RALGPS1: variants seen among roughly 807,000 people sequenced by gnomAD.
The protein encoded by RALGPS1 is ras-specific guanine nucleotide-releasing factor RalGPS1.
In RALGPS1, 19 loss-of-function variants were observed where a neutral mutation model predicts 78.8. The observed-to-expected ratio is 0.24, with a 90% CI of 0.17 to 0.35. The LOEUF (loss-of-function observed/expected upper bound fraction) is 0.35, where lower values mean the gene tolerates loss of function less well. Ranked by LOEUF, RALGPS1 falls within the 10% of genes least tolerant of loss-of-function variation. The pLI is 1.00. For missense variants in RALGPS1, 454 were observed against 688.3 expected (o/e 0.66, Z 3.81); for synonymous variants, 228 against 256.3 (o/e 0.89, Z 1.06).
At chr9:127,177,510 C>T (rs1186029258) in intron 11 of RALGPS1, among the ~76,000 whole-genome samples, 1 of 152,178 alleles carries the variant, frequency 6.6e-6, no homozygotes, top group African/African-American at 2.4e-5. Context: ...CACCATCTGC[C>T]CCACTATCTC....
At chr9:127,193,120 G>A (rs1241641712) in intron 11 of RALGPS1, among the ~76,000 whole-genome samples, 1 of 152,144 alleles carries the variant, frequency 6.6e-6, no homozygotes, top group African/African-American at 2.4e-5. Context: ...GAGCCAGAGA[G>A]AGAAGGGGAA....
chr9:126,965,762 T>C, intron 2 of RALGPS1, 82 bp from the exon 3 acceptor site: 1 of 1,032,312 alleles, frequency 9.7e-7, no homozygotes, highest in East Asian at 2.4e-5. Flanking sequence ...TGCTCTCCCA[T>C]CCTGAATTCC....
At chr9:126,968,599 A>G (rs930801589) in intron 3 of RALGPS1, among the ~76,000 whole-genome samples, 1 of 152,192 alleles carries the variant, frequency 6.6e-6, no homozygotes, top group Non-Finnish European at 1.5e-5. Flanking sequence ...ATTATTCCCA[A>G]TTTACTGATA....
intron 13 of RALGPS1, 129 bp downstream of exon 13, chr9:127,196,760 C>T: frequency 1.7e-6 from 2 of 1,149,966 alleles, no homozygotes; most frequent in Non-Finnish European, 2.4e-6. Flanking sequence ...TGGCCCCTCA[C>T]CTCCCTGCAG....
chr9:127,133,087 GTGCATGAC>G (rs1421352391), intron 8 of RALGPS1, among the ~76,000 whole-genome samples: 4 of 152,244 alleles, frequency 2.6e-5, no homozygotes, highest in Non-Finnish European at 4.4e-5. Context: ...TACATGTTAG[GTGCATGAC>G]TGCATGGCTG....
At chr9:127,103,969 G>T (rs990002322) in intron 8 of RALGPS1, among the ~76,000 whole-genome samples, 12 of 152,138 alleles carry the variant, frequency 7.9e-5, no homozygotes, top group Admixed American at 7.2e-4. Context: ...TGTACCCTTG[G>T]CTAAGTTACT....
rs11281489 is a variant in RALGPS1 at position 127,055,212 on chromosome 9, ATCTG to A, written c.483+2298_483+2301del. ...CCCTAAATGCTTTTTCTATCTATCT[ATCTG>A]TCTGTCTGTCTGTCTGTCTGTCTGA... On this transcript the variant is annotated intron_variant, in intron 7 of 18. Coordinates refer to ENST00000259351, the MANE Select transcript of RALGPS1 (RefSeq NM_014636.3). 3.6e-3 allele frequency among the ~76,000 whole-genome samples: 541 copies of A among 151,102 alleles called. 3 individuals carry two copies. Among genetic ancestry groups the A allele is most frequent in the Non-Finnish European group, 5.9e-3 (399 of 67,746 alleles).
intron 11 of RALGPS1, among the ~76,000 whole-genome samples, chr9:127,176,653 C>T (rs2059896870): frequency 6.6e-6 from 1 of 152,246 alleles, no homozygotes. Flanking sequence ...TGAGCCACAT[C>T]CCTGGACTTC....
intron 4 of RALGPS1, among the ~76,000 whole-genome samples, chr9:127,000,688 A>G (rs1160623288): frequency 2.0e-5 from 3 of 150,848 alleles, no homozygotes; most frequent in Non-Finnish European, 4.4e-5. Flanking sequence ...AGCTGGGATT[A>G]CAGTCATGCA....
At chr9:127,165,686 C>A (rs896150069) in intron 8 of RALGPS1, among the ~76,000 whole-genome samples, 6 of 152,108 alleles carry the variant, frequency 3.9e-5, no homozygotes, top group Admixed American at 6.5e-5. Flanking sequence ...TGAATTCAGC[C>A]CAAATGGGTG....
At position 127,199,302 on chromosome 9, in the gene RALGPS1, G is replaced by A. The variant is rs542224735; in HGVS notation, c.1247+236G>A. On this transcript the variant is annotated intron_variant, in intron 14 of 18. Coordinates refer to ENST00000259351, the MANE Select transcript of RALGPS1 (RefSeq NM_014636.3). ...GCAGCCCCATGCCTCCCCTGATCCAGGAGGCTCTTCCTCCAGCACAGCTGC... is the reference window on the plus strand; with the variant it reads ...GCAGCCCCATGCCTCCCCTGATCCAAGAGGCTCTTCCTCCAGCACAGCTGC... 1.2e-4 allele frequency among the ~76,000 whole-genome samples: 19 copies of A among 152,290 alleles called. No homozygotes were observed. In the South Asian group the frequency reaches 3.9e-3, roughly 32 times the overall value.
intron 8 of RALGPS1, among the ~76,000 whole-genome samples, chr9:127,105,886 C>T (rs1158004802): frequency 2.0e-5 from 3 of 152,208 alleles, no homozygotes; most frequent in African/African-American, 7.2e-5. Context: ...AGTAGGGGCT[C>T]AGCAAATGTT....
At chr9:127,051,052 G>A (rs1388409496) in intron 6 of RALGPS1, among the ~76,000 whole-genome samples, 7 of 152,230 alleles carry the variant, frequency 4.6e-5, no homozygotes, top group Admixed American at 1.3e-4. Flanking sequence ...AATCGGAGTC[G>A]TGCCTCTCTG....
chr9:126,982,434 A>G (rs563987874), intron 4 of RALGPS1, among the ~76,000 whole-genome samples: 1 of 152,186 alleles, frequency 6.6e-6, no homozygotes, highest in Non-Finnish European at 1.5e-5. Context: ...CCTCCGTCAT[A>G]GGGTTTATTT....
At chr9:126,951,562 A>G (rs1469987724) in intron 1 of RALGPS1, among the ~76,000 whole-genome samples, 1 of 151,036 alleles carries the variant, frequency 6.6e-6, no homozygotes, top group African/African-American at 2.4e-5. Flanking sequence ...AACCAAAGAC[A>G]AAAACCACAT....
intron 4 of RALGPS1, among the ~76,000 whole-genome samples, chr9:127,032,959 A>G (rs1286578214): frequency 1.3e-5 from 2 of 152,248 alleles, no homozygotes; most frequent in Non-Finnish European, 2.9e-5. Context: ...TAGAGTCACA[A>G]TATTCATCCA....
intron 8 of RALGPS1, among the ~76,000 whole-genome samples, chr9:127,096,397 A>G (rs1269153949): frequency 6.6e-6 from 1 of 152,194 alleles, no homozygotes; most frequent in East Asian, 1.9e-4. Flanking sequence ...ATCCGGCAGA[A>G]GCCTGCAAAA....
intron 1 of RALGPS1, among the ~76,000 whole-genome samples, chr9:126,948,750 G>A (rs1015850974): frequency 4.6e-5 from 7 of 151,808 alleles, no homozygotes; most frequent in African/African-American, 7.3e-5. Context: ...AAACATAGGC[G>A]CTTCCCTTCC....
At chr9:126,978,605 T>G (rs1333622433) in intron 4 of RALGPS1, among the ~76,000 whole-genome samples, 1 of 129,902 alleles carries the variant, frequency 7.7e-6, no homozygotes, top group African/African-American at 3.0e-5. Context: ...CGAGACTCTG[T>G]CAAAAAAAAA....
Sources: gnomAD v4.1 joint callset for allele counts (sites outside exome capture counted in the v4.1 genomes callset) on GRCh38, gnomAD v4.1.1 for gene constraint, MANE v1.5 for transcripts, NCBI Gene and HGNC (gene_info 2026-07-23, HGNC 2026-07-21) for gene names.